CFLAR: variants seen among roughly 807,000 people sequenced by gnomAD.
The protein encoded by CFLAR is CASP8 and FADD like apoptosis regulator.
CFLAR carries 14 observed loss-of-function variants against 51.1 expected under a neutral mutation model. The ratio of observed to expected loss-of-function variants is 0.27; its 90% CI spans 0.18 to 0.43. The LOEUF is 0.43. Among genes scored for constraint, CFLAR ranks in the 20% least tolerant of loss-of-function variants. The pLI, the probability that CFLAR is intolerant of heterozygous loss-of-function variation, is 1.00. For synonymous variants in CFLAR, 210 were observed against 211.6 expected (o/e 0.99, Z 0.06); for missense variants, 390 against 566.5 (o/e 0.69, Z 3.16).
In CFLAR at chr2:201,169,686, A is replaced by T. The variant is rs1453174670; in HGVS notation, c.*5713A>T. ...AACAGGCAACCTACAGAATGGGAGAACATTTTTGCAATCTATCCATCTGAC... is the reference window on the plus strand; with the variant it reads ...AACAGGCAACCTACAGAATGGGAGATCATTTTTGCAATCTATCCATCTGAC... On this transcript the variant is annotated 3_prime_UTR_variant, in exon 10 of 10. Coordinates refer to ENST00000309955, the MANE Select transcript of CFLAR (RefSeq NM_003879.7). 1.3e-5 allele frequency: 2 copies of T among 152,230 alleles called. No homozygotes were observed. Among genetic ancestry groups the T allele is most frequent in the East Asian group, 3.8e-4 (2 of 5,200 alleles). The allele number at this position is 152,230 out of a possible 1,614,324, so 9.4% of individuals were successfully genotyped here. A position where few individuals can be genotyped will look rare whatever the true frequency, so the allele number is the denominator to read the frequency against.
rs939531369 is a variant in CFLAR, at chr2:201,166,250, G to C, written c.*2277G>C. ...TCCCTCCCCGACGGGGCGGCTGGCCGGGCGGGGGCTGACCCCCACGCCTCC... is the reference window on the plus strand; with the variant it reads ...TCCCTCCCCGACGGGGCGGCTGGCCCGGCGGGGGCTGACCCCCACGCCTCC... On this transcript the variant is annotated 3_prime_UTR_variant, in exon 10 of 10. Coordinates refer to ENST00000309955, the MANE Select transcript of CFLAR (RefSeq NM_003879.7). 4 of 142,816 alleles carry C rather than the reference G, an allele frequency of 2.8e-5. No individual in the cohort carries two copies. Among genetic ancestry groups the C allele is most frequent in the African/African-American group, 7.9e-5 (3 of 38,066 alleles). The allele number at this position is 142,816 out of a possible 1,614,324, so 8.8% of individuals were successfully genotyped here.
At position 201,164,223 on chromosome 2, in the gene CFLAR, C is replaced by T. The variant is rs1275429128; in HGVS notation, c.*250C>T. ...AGGGTCATAGCATGCTGTGATTGTG[C>T]CTACGAATAGCCACTGCATACCAAC... On this transcript the variant is annotated 3_prime_UTR_variant, in exon 10 of 10. Transcript: ENST00000309955. 6.8e-6 allele frequency: 2 copies of T among 296,170 alleles called. No homozygotes were observed. The highest frequency in any genetic ancestry group is 2.2e-5 in the African/African-American group (1 of 45,980). The allele number at this position is 296,170 out of a possible 1,614,324, so 18.3% of individuals were successfully genotyped here.
chr2:201,168,424 G>A lies in CFLAR; in HGVS notation c.*4451G>A, dbSNP rs574104964. The A allele has an allele frequency of 4.3e-4, 65 of 152,000 alleles. No homozygotes were observed. Among genetic ancestry groups the A allele is most frequent in the African/African-American group, 1.4e-3 (59 of 41,426 alleles). The allele number at this position is 152,000 out of a possible 1,614,324, so 9.4% of individuals were successfully genotyped here. A position where few individuals can be genotyped will look rare whatever the true frequency, so the allele number is the denominator to read the frequency against. On this transcript the variant is annotated 3_prime_UTR_variant, in exon 10 of 10. Coordinates refer to ENST00000309955, the MANE Select transcript of CFLAR (RefSeq NM_003879.7). ...GAAAAGGCCTTCAATAAAATTCAAC[G>A]TTGCTTCATGTTAAAAACTCTCAAT...
In CFLAR at chr2:201,138,209, G is replaced by A; in HGVS notation, c.523+2102G>A. 1.0e-6 allele frequency: 1 copy of A among 984,140 alleles called. No individual in the cohort carries two copies. The highest frequency in any genetic ancestry group is 1.3e-5 in the South Asian group (1 of 78,702). 61.0% of individuals were successfully genotyped at this position (984,140 alleles called of 1,614,324 possible). A position where few individuals can be genotyped will look rare whatever the true frequency, so the allele number is the denominator to read the frequency against. On this transcript the variant is annotated intron_variant, in intron 4 of 9. Coordinates refer to ENST00000309955, the MANE Select transcript of CFLAR (RefSeq NM_003879.7). This position sits in a 1 kb window ranked among gnomAD's most constrained non-coding sequence, Gnocchi z 4.0. ...CTTTTGTTTGATGTAATGCACCATG[G>A]CGATCTGATACACCGAGTTCCCTTG...
chr2:201,136,221 A>G, intron 4 of CFLAR, 114 bp downstream of exon 4: 1 of 1,609,172 alleles, frequency 6.2e-7, no homozygotes, highest in Non-Finnish European at 8.5e-7. Context: ...AACCTGGATG[A>G]CCAAAGCCTC....
At chr2:201,134,686 A>AAAATAAAAT (rs2049864806) in intron 3 of CFLAR, among the ~76,000 whole-genome samples, 3 of 122,464 alleles carry the variant, frequency 2.4e-5, no homozygotes, top group Admixed American at 7.7e-5. Context: ...TAAAATAAAA[A>AAAATAAAAT]AATATAAAAT....
At position 201,165,267 on chromosome 2, in the gene CFLAR, T is replaced by G. The variant is rs865997945; in HGVS notation, c.*1294T>G. ...TTATTATTATTATTATTATTATTAT[T>G]ATTATTATTATTATTATTATTGAGA... On this transcript the variant is annotated 3_prime_UTR_variant, in exon 10 of 10. Coordinates refer to ENST00000309955, the MANE Select transcript of CFLAR (RefSeq NM_003879.7). 2 of 148,094 alleles carry G rather than the reference T, an allele frequency of 1.4e-5. No homozygotes were observed. Among genetic ancestry groups the G allele is most frequent in the Non-Finnish European group, 3.0e-5 (2 of 67,188 alleles). 9.2% of individuals were successfully genotyped at this position (148,094 alleles called of 1,614,324 possible). A position where few individuals can be genotyped will look rare whatever the true frequency, so the allele number is the denominator to read the frequency against.
intron 1 of CFLAR, among the ~76,000 whole-genome samples, chr2:201,126,046 C>G (rs1197525932): frequency 6.6e-6 from 1 of 152,054 alleles, no homozygotes; most frequent in Non-Finnish European, 1.5e-5. Flanking sequence ...ATTGTTGTAC[C>G]TGAGCGAGTT....
At chr2:201,162,769 T>C (rs1943189229) in intron 9 of CFLAR, 1 of 419,904 alleles carries the variant, frequency 2.4e-6, no homozygotes, top group Non-Finnish European at 4.5e-6. Context: ...GCCATCACTT[T>C]ATAACCTGCT....
At chr2:201,163,319 C>G in intron 9 of CFLAR, 5 of 1,229,574 alleles carry the variant, frequency 4.1e-6, no homozygotes, top group Non-Finnish European at 5.1e-6. Context: ...CACAATGTAC[C>G]TCAAGTATAA....
chr2:201,117,048 A>C (rs2047674192), intron 1 of CFLAR: 1 of 152,110 alleles, frequency 6.6e-6, no homozygotes, highest in South Asian at 2.1e-4. Context: ...TCCTTTCGAA[A>C]GTTGTTGGGA....
chr2:201,160,327 G>A, intron 8 of CFLAR, 105 bp from the exon 9 acceptor site: 2 of 1,242,022 alleles, frequency 1.6e-6, no homozygotes, highest in South Asian at 2.8e-5. Context: ...AAAAGCAGAA[G>A]CTTTTCATAA....
At chr2:201,134,172 T>TG (rs1182175699) in intron 3 of CFLAR, among the ~76,000 whole-genome samples, 2 of 151,178 alleles carry the variant, frequency 1.3e-5, no homozygotes, top group Admixed American at 1.3e-4. Flanking sequence ...TAGCCGGGCG[T>TG]GGTGGTAGGC....
In CFLAR at chr2:201,166,184, C is replaced by T; in HGVS notation, c.*2211C>T. 6.2e-6 allele frequency: 1 copy of T among 161,584 alleles called. No homozygotes were observed. Among genetic ancestry groups the T allele is most frequent in the Non-Finnish European group, 1.3e-5 (1 of 74,946 alleles). The allele number at this position is 161,584 out of a possible 1,614,324, so 10.0% of individuals were successfully genotyped here. ...GGCGGACGCGCCCCCCACCTCCCTCCCGGACGGGATAGCTGGCCGGGCGGG... is the reference window on the plus strand; with the variant it reads ...GGCGGACGCGCCCCCCACCTCCCTCTCGGACGGGATAGCTGGCCGGGCGGG... On this transcript the variant is annotated 3_prime_UTR_variant, in exon 10 of 10. Transcript: ENST00000309955.
rs567225824 is a variant in CFLAR, at chr2:201,133,656, C to T, written c.387+522C>T. On this transcript the variant is annotated intron_variant, in intron 3 of 9. Coordinates refer to ENST00000309955, the MANE Select transcript of CFLAR (RefSeq NM_003879.7). ...TAGAGTTGAAAACCAGGAGGCCGGG[C>T]GCAGTGGCTCATGCCTGTAATCCCA... 2.4e-3 allele frequency among the ~76,000 whole-genome samples: 367 copies of T among 152,094 alleles called. 3 individuals carry two copies. Among genetic ancestry groups the T allele is most frequent in the African/African-American group, 8.4e-3 (348 of 41,500 alleles).
At chr2:201,144,529 T>C (rs1939701018) in intron 5 of CFLAR, among the ~76,000 whole-genome samples, 1 of 152,252 alleles carries the variant, frequency 6.6e-6, no homozygotes, top group African/African-American at 2.4e-5. Flanking sequence ...ATACAAAATC[T>C]GTAAGGTATC....
intron 4 of CFLAR, 102 bp from the exon 5 acceptor site, chr2:201,140,255 A>G: frequency 1.4e-6 from 2 of 1,447,082 alleles, no homozygotes; most frequent in Non-Finnish European, 1.9e-6. Flanking sequence ...AGTTTAGGGT[A>G]TTTTGAAAGA....
In CFLAR at chr2:201,166,467, C is replaced by A. The variant is rs1317022001; in HGVS notation, c.*2494C>A. On this transcript the variant is annotated 3_prime_UTR_variant, in exon 10 of 10. Coordinates refer to ENST00000309955, the MANE Select transcript of CFLAR (RefSeq NM_003879.7). ...ACGGGGTGGCCGGGCAGAGAAGCTCCTCACATCCCAGACGGGGGGGCGGGG... is the reference window on the plus strand; with the variant it reads ...ACGGGGTGGCCGGGCAGAGAAGCTCATCACATCCCAGACGGGGGGGCGGGG... 2 of 169,146 alleles carry A rather than the reference C, an allele frequency of 1.2e-5. No homozygotes were observed. Among genetic ancestry groups the A allele is most frequent in the Non-Finnish European group, 2.5e-5 (2 of 78,978 alleles). The allele number at this position is 169,146 out of a possible 1,614,324, so 10.5% of individuals were successfully genotyped here. A position where few individuals can be genotyped will look rare whatever the true frequency, so the allele number is the denominator to read the frequency against.
At chr2:201,148,650 T>A (rs533597165) in intron 6 of CFLAR, 1 of 233,814 alleles carries the variant, frequency 4.3e-6, no homozygotes, top group Non-Finnish European at 8.7e-6. Context: ...TCAGCACATA[T>A]AGGAAAGCTA....
Sources: allele counts gnomAD v4.1 joint callset (sites outside exome capture counted in the v4.1 genomes callset), GRCh38; gene constraint gnomAD v4.1.1; non-coding constraint Gnocchi (gnomAD v3.1); transcripts MANE v1.5; gene names NCBI Gene and HGNC (gene_info 2026-07-23, HGNC 2026-07-21).